The following ATP13A3 variants were observed in gnomAD, a reference collection of about 807,000 sequenced individuals.
ATP13A3 encodes the protein polyamine-transporting ATPase 13A3.
Under a neutral mutation model 158.1 loss-of-function variants are expected in ATP13A3, and 59 were observed. That is an observed-to-expected ratio of 0.37 (90% confidence interval 0.30 to 0.46). The LOEUF is 0.46. Ranked by LOEUF, ATP13A3 falls within the 20% of genes least tolerant of loss-of-function variation. The probability of loss-of-function intolerance (pLI) is 1.00; values close to 1 mark genes in which losing one functional copy is unlikely to be tolerated. For missense variants in ATP13A3, 1,166 were observed against 1,525.2 expected (o/e 0.76, Z 3.92); for synonymous variants, 491 against 504.3 (o/e 0.97, Z 0.35).
chr3:194,459,344 TTAA>T (rs1433707713), intron 6 of ATP13A3, 124 bp downstream of exon 6: 3 of 701,288 alleles, frequency 4.3e-6, no homozygotes, highest in Non-Finnish European at 7.4e-6. Context: ...GAGTTGTTAA[TTAA>T]TACGTGAATA....
upstream of ATP13A3, among the ~76,000 whole-genome samples, chr3:194,489,612 T>A (rs542174069): frequency 6.6e-6 from 1 of 152,256 alleles, no homozygotes; most frequent in African/African-American, 2.4e-5. This position sits in a 1 kb window ranked among gnomAD's most constrained non-coding sequence, Gnocchi z 4.1. Context: ...AGCATGAACC[T>A]GTCAACGCGT....
intron 33 of ATP13A3, among the ~76,000 whole-genome samples, chr3:194,406,903 G>A (rs1445360198): frequency 6.6e-6 from 1 of 152,174 alleles, no homozygotes; most frequent in Non-Finnish European, 1.5e-5. Flanking sequence ...CTCCACGACT[G>A]GAAAGGGGTA....
chr3:194,492,332 G>T (rs1159042332), intron 2 of ATP13A3, among the ~76,000 whole-genome samples: 1 of 151,998 alleles, frequency 6.6e-6, no homozygotes, highest in Non-Finnish European at 1.5e-5. Context: ...TGCATATACA[G>T]TTGTCCCTCG....
intron 33 of ATP13A3, among the ~76,000 whole-genome samples, chr3:194,411,550 T>C (rs1277011074): frequency 6.6e-6 from 1 of 152,194 alleles, no homozygotes; most frequent in Non-Finnish European, 1.5e-5. Context: ...TTCCTCTGTT[T>C]CTCTTCTCTC....
At chr3:194,421,943 G>GAAAAAAAAAAAA (rs1400737766) in intron 30 of ATP13A3, among the ~76,000 whole-genome samples, 1 of 69,146 alleles carries the variant, frequency 1.4e-5, no homozygotes. Context: ...TGTGTCGTTG[G>GAAAAAAAAAAAA]CAAAAAAAAA....
intron 2 of ATP13A3, among the ~76,000 whole-genome samples, chr3:194,493,164 C>T (rs936669678): frequency 6.6e-6 from 1 of 151,208 alleles, no homozygotes; most frequent in Non-Finnish European, 1.5e-5. Flanking sequence ...CCCCCATCCC[C>T]ACCCAAACCA....
At chr3:194,485,056 CAAA>C (rs202057558) in intron 2 of ATP13A3, among the ~76,000 whole-genome samples, 10 of 119,386 alleles carry the variant, frequency 8.4e-5, no homozygotes, top group African/African-American at 1.1e-4. Flanking sequence ...GATGCCATCT[CAAA>C]AAAAAAAAAA....
At chr3:194,427,827 T>C (rs558075783) in intron 28 of ATP13A3, among the ~76,000 whole-genome samples, 22 of 152,238 alleles carry the variant, frequency 1.4e-4, no homozygotes, top group Admixed American at 6.5e-5. Context: ...CCTCTTACGA[T>C]ATTCACAATG....
At chr3:194,418,655 G>C (rs746159743) in intron 31 of ATP13A3, among the ~76,000 whole-genome samples, 3 of 152,150 alleles carry the variant, frequency 2.0e-5, no homozygotes, top group Non-Finnish European at 4.4e-5. Flanking sequence ...CCAAGTGTTG[G>C]CAATGATGTG....
intron 16 of ATP13A3, among the ~76,000 whole-genome samples, chr3:194,440,090 A>C (rs942168612): frequency 2.0e-5 from 3 of 152,058 alleles, no homozygotes; most frequent in Admixed American, 6.6e-5. Flanking sequence ...GGAGGCAGGG[A>C]AGAGGGAAGG....
chr3:194,464,788 T>A (rs1719892058), intron 2 of ATP13A3, among the ~76,000 whole-genome samples: 1 of 152,128 alleles, frequency 6.6e-6, no homozygotes, highest in Non-Finnish European at 1.5e-5. Flanking sequence ...GGTTTGTTAG[T>A]TTTCTTTAAA....
intron 1 of ATP13A3, among the ~76,000 whole-genome samples, 190 bp from the exon 2 acceptor site, chr3:194,486,025 G>T (rs1044501399): frequency 6.6e-6 from 1 of 152,114 alleles, no homozygotes; most frequent in Non-Finnish European, 1.5e-5. Context: ...AGACAGAAAG[G>T]CCATAGCGAG....
chr3:194,455,879 A>T lies in ATP13A3; in HGVS notation c.630+14T>A. The T allele has an allele frequency of 7.0e-7, 1 of 1,438,726 alleles. No individual in the cohort carries two copies. Among genetic ancestry groups the T allele is most frequent in the Non-Finnish European group, 9.6e-7 (1 of 1,044,312 alleles). 89.1% of individuals were successfully genotyped at this position (1,438,726 alleles called of 1,614,324 possible). ...GATCATGACTGTTAAGTTATATACA[A>T]TCAATAGTCTTACCTCTTTAATTAG... On this transcript the variant is annotated intron_variant, in intron 8 of 33. Transcript: ENST00000645319.
At chr3:194,406,470 G>A (rs1001164989) in intron 33 of ATP13A3, among the ~76,000 whole-genome samples, 1 of 151,978 alleles carries the variant, frequency 6.6e-6, no homozygotes, top group Non-Finnish European at 1.5e-5. Flanking sequence ...TATTTTTTTT[G>A]GGGGGATAAT....
In ATP13A3 at chr3:194,431,846, C is replaced by A; in HGVS notation, c.2292G>T (p.Met764Ile). ...TAVSVARDCG[M>I]ILPQDKVIIA... ...TAATCACTTTATCCTGAGGTAGAAT[C>A]ATTCCACAATCTCTGGCCACAGAGA... The change falls in exon 22 of 34, where the codon ATG becomes ATT. Residue 764 changes from methionine to isoleucine, a missense_variant. Physicochemically the swap from Met to Ile is conservative, Grantham distance 10. Transcript: ENST00000645319. The A allele has an allele frequency of 6.2e-7, 1 of 1,610,384 alleles. No homozygotes were observed. Among genetic ancestry groups the A allele is most frequent in the Non-Finnish European group, 8.5e-7 (1 of 1,178,836 alleles).
chr3:194,427,646 TAAATAAATAAATA>T (rs927559090), intron 28 of ATP13A3, among the ~76,000 whole-genome samples: 3 of 111,002 alleles, frequency 2.7e-5, no homozygotes, highest in African/African-American at 9.4e-5. Context: ...AATAAATAAA[TAAATAAATAAATA>T]AATAAATAAA....
Position 194,405,679 on chromosome 3 carries a change from T to C in ATP13A3, c.*240A>G. ...CAATCAAGAAAATTCTGGAAATGTA[T>C]GTAATATTTGGGTTGCTGAATGAAG... On this transcript the variant is annotated 3_prime_UTR_variant, in exon 34 of 34. Transcript: ENST00000645319. The C allele has an allele frequency of 2.3e-6, 1 of 430,520 alleles. No individual in the cohort carries two copies. Among genetic ancestry groups the C allele is most frequent in the Non-Finnish European group, 4.2e-6 (1 of 240,122 alleles). The allele number at this position is 430,520 out of a possible 1,614,324, so 26.7% of individuals were successfully genotyped here.
chr3:194,438,083 G>A (rs567118732), intron 17 of ATP13A3, among the ~76,000 whole-genome samples: 1 of 152,010 alleles, frequency 6.6e-6, no homozygotes, highest in Non-Finnish European at 1.5e-5. Context: ...TCACTTGAAC[G>A]CAGGAGGCAG....
At chr3:194,423,345 C>A (rs915272704) in intron 30 of ATP13A3, among the ~76,000 whole-genome samples, 2 of 152,194 alleles carry the variant, frequency 1.3e-5, no homozygotes, top group African/African-American at 4.8e-5. Flanking sequence ...CTTCAAAATA[C>A]TTTTAATATA....
Sources: gnomAD v4.1 joint callset for allele counts (sites outside exome capture counted in the v4.1 genomes callset) on GRCh38, gnomAD v4.1.1 for gene constraint, Gnocchi (gnomAD v3.1) non-coding constraint, MANE v1.5 for transcripts, NCBI Gene and HGNC (gene_info 2026-07-23, HGNC 2026-07-21) for gene names.